SPOCK3: variants seen among roughly 807,000 people sequenced by gnomAD.
SPOCK3 encodes testican-3.
SPOCK3 carries 30 observed loss-of-function variants against 56.6 expected under a neutral mutation model. That is an observed-to-expected ratio of 0.53 (90% CI 0.40 to 0.72). The LOEUF (loss-of-function observed/expected upper bound fraction) is 0.72. SPOCK3 is among the 30% of genes least tolerant of loss of function. The pLI is 0.00. For synonymous variants in SPOCK3, 196 were observed against 183.3 expected (o/e 1.07, Z -0.56); for missense variants, 527 against 530.0 (o/e 0.99, Z 0.06).
intron 5 of SPOCK3, among the ~76,000 whole-genome samples, chr4:166,902,721 A>C (rs1483051562): frequency 3.3e-5 from 5 of 151,654 alleles, no homozygotes; most frequent in Non-Finnish European, 7.4e-5. Flanking sequence ...GTTATAGTTC[A>C]TTATCTTGAT....
chr4:166,863,903 A>G lies in SPOCK3; in HGVS notation c.589+25227T>C, dbSNP rs533976896. On this transcript the variant is annotated intron_variant, in intron 6 of 10. Coordinates refer to ENST00000357545, the MANE Select transcript of SPOCK3 (RefSeq NM_001040159.2). Reference sequence around the variant, plus strand: ...AGGCAGAAAATTAAGTAGGATATTCAGGATTTGAACTCAGCTCTGGACCAA... The same window carrying G: ...AGGCAGAAAATTAAGTAGGATATTCGGGATTTGAACTCAGCTCTGGACCAA... 5.3e-5 allele frequency among the ~76,000 whole-genome samples: 8 copies of G among 152,262 alleles called. No individual in the cohort carries two copies. The South Asian group carries it at 1.2e-3, about 24-fold the overall frequency.
At chr4:166,804,844 C>T (rs897114511) in intron 6 of SPOCK3, among the ~76,000 whole-genome samples, 1 of 152,122 alleles carries the variant, frequency 6.6e-6, no homozygotes, top group African/African-American at 2.4e-5. Flanking sequence ...TCTACTACAG[C>T]ATTTCCCAAG....
intron 4 of SPOCK3, among the ~76,000 whole-genome samples, chr4:166,975,839 C>G (rs1320568440): frequency 1.3e-5 from 2 of 152,074 alleles, no homozygotes; most frequent in African/African-American, 4.8e-5. Flanking sequence ...TTAGAAATGA[C>G]AGGATCTCAG....
At chr4:167,011,208 C>T (rs898917382) in intron 3 of SPOCK3, 13 of 439,126 alleles carry the variant, frequency 3.0e-5, no homozygotes, top group East Asian at 1.4e-4. Context: ...AAAAAAAATG[C>T]GGGAAAAGCT....
chr4:167,105,961 T>C (rs1760104152), intron 2 of SPOCK3, among the ~76,000 whole-genome samples: 1 of 151,896 alleles, frequency 6.6e-6, no homozygotes, highest in South Asian at 2.1e-4. Flanking sequence ...TAAGCAATCA[T>C]TACTGGAGCA....
chr4:166,869,058 AT>A (rs1487416446), intron 6 of SPOCK3, among the ~76,000 whole-genome samples: 6 of 151,958 alleles, frequency 3.9e-5, no homozygotes, highest in African/African-American at 1.4e-4. Context: ...TTCATTAATT[AT>A]TCAGAAAATT....
intron 2 of SPOCK3, among the ~76,000 whole-genome samples, chr4:167,071,348 G>A (rs1321913667): frequency 6.6e-6 from 1 of 151,930 alleles, no homozygotes. Flanking sequence ...CCATCAACTC[G>A]TCGTCTACAT....
chr4:166,776,242 C>T (rs1352018989), intron 7 of SPOCK3, among the ~76,000 whole-genome samples: 1 of 151,814 alleles, frequency 6.6e-6, no homozygotes, highest in African/African-American at 2.4e-5. Flanking sequence ...ATGAAACTCC[C>T]TCTCTGCTAA....
chr4:167,196,052 A>G (rs78151531), intron 2 of SPOCK3, among the ~76,000 whole-genome samples: 2,732 of 152,214 alleles, frequency 0.018, 77 homozygotes, highest in African/African-American at 0.062. Context: ...TTTGTAATGC[A>G]TTTATATCTA....
intron 4 of SPOCK3, among the ~76,000 whole-genome samples, chr4:166,914,283 CA>C (rs1369633602): frequency 1.3e-5 from 2 of 151,896 alleles, no homozygotes; most frequent in African/African-American, 4.8e-5. Context: ...GTTTATATCC[CA>C]TCTCCATATC....
chr4:166,799,042 G>C (rs1742267424), intron 6 of SPOCK3, among the ~76,000 whole-genome samples: 1 of 152,140 alleles, frequency 6.6e-6, no homozygotes, highest in Non-Finnish European at 1.5e-5. Flanking sequence ...TGGGATAACA[G>C]TCTTGTTTGG....
intron 4 of SPOCK3, among the ~76,000 whole-genome samples, chr4:166,996,689 C>T (rs910124629): frequency 6.6e-6 from 1 of 152,054 alleles, no homozygotes; most frequent in Non-Finnish European, 1.5e-5. Flanking sequence ...GCTCTGAGAC[C>T]AGTTCTTCAC....
chr4:166,742,674 A>T (rs1735013471), intron 8 of SPOCK3, among the ~76,000 whole-genome samples: 1 of 152,140 alleles, frequency 6.6e-6, no homozygotes, highest in Non-Finnish European at 1.5e-5. Context: ...TATGCAATTT[A>T]GGAACAGGAT....
chr4:167,198,511 G>A (rs1196154537), intron 2 of SPOCK3, among the ~76,000 whole-genome samples: 2 of 152,202 alleles, frequency 1.3e-5, no homozygotes, highest in African/African-American at 4.8e-5. Context: ...TCAATTAGAT[G>A]TAGAAGTACC....
At position 166,841,372 on chromosome 4, in the gene SPOCK3, A is replaced by G. The variant is rs1391720734; in HGVS notation, c.589+47758T>C. The stretch of plus-strand genomic sequence containing the variant: ...GTGTAGATGCAAGCAAAAGAAAAAC[A>G]ATTTCACATAGACTTATAGAATTAC... On this transcript the variant is annotated intron_variant, in intron 6 of 10. Coordinates refer to ENST00000357545, the MANE Select transcript of SPOCK3 (RefSeq NM_001040159.2). Among the ~76,000 whole-genome samples, 6 of 152,106 alleles carry G rather than the reference A, an allele frequency of 3.9e-5. No individual in the cohort carries two copies. In the East Asian group the frequency reaches 7.7e-4, roughly 20 times the overall value.
At chr4:166,997,139 A>G (rs914525574) in intron 4 of SPOCK3, among the ~76,000 whole-genome samples, 3 of 151,900 alleles carry the variant, frequency 2.0e-5, no homozygotes, top group Non-Finnish European at 4.4e-5. Context: ...GGAGGGGAAC[A>G]ACACACACTG....
At chr4:167,081,663 C>T (rs914468865) in intron 2 of SPOCK3, among the ~76,000 whole-genome samples, 5 of 152,026 alleles carry the variant, frequency 3.3e-5, no homozygotes, top group Middle Eastern at 3.4e-3. Context: ...GAATGACTAA[C>T]GATTCAGTAG....
At chr4:167,025,100 G>C (rs1349853212) in intron 3 of SPOCK3, among the ~76,000 whole-genome samples, 1 of 151,980 alleles carries the variant, frequency 6.6e-6, no homozygotes, top group African/African-American at 2.4e-5. Flanking sequence ...AGTGTGAGTA[G>C]ATAATATATC....
chr4:167,216,738 T>C (rs1202431379), intron 2 of SPOCK3, among the ~76,000 whole-genome samples: 1 of 152,132 alleles, frequency 6.6e-6, no homozygotes, highest in African/African-American at 2.4e-5. Context: ...AGCTGAGAAC[T>C]GTGAATTCTC....
Sources: gnomAD v4.1 joint callset for allele counts (sites outside exome capture counted in the v4.1 genomes callset) on GRCh38, gnomAD v4.1.1 for gene constraint, MANE v1.5 for transcripts, NCBI Gene and HGNC (gene_info 2026-07-23, HGNC 2026-07-21) for gene names.